The following LIPK variants were observed in gnomAD, a reference collection of about 807,000 sequenced individuals.
LIPK encodes lipase family member K.
LIPK carries 32 observed loss-of-function variants against 48.6 expected under a neutral mutation model. The observed-to-expected ratio is 0.66, with a 90% confidence interval of 0.50 to 0.88. The LOEUF is 0.88. Ranked by LOEUF, LIPK falls within the 40% of genes least tolerant of loss-of-function variation. The pLI, the probability that LIPK is intolerant of heterozygous loss-of-function variation, is 0.00. For synonymous variants in LIPK, 164 were observed against 157.4 expected (o/e 1.04, Z -0.32); for missense variants, 507 against 478.5 (o/e 1.06, Z -0.56).
intron 1 of LIPK, among the ~76,000 whole-genome samples, chr10:88,707,817 C>T (rs939170117): frequency 6.6e-6 from 1 of 152,042 alleles, no homozygotes; most frequent in African/African-American, 2.4e-5. Context: ...TGTCTTTCAC[C>T]CTGTGGGTGG....
chr10:88,732,679 A>T, intron 6 of LIPK, 128 bp downstream of exon 6: 4 of 949,094 alleles, frequency 4.2e-6, no homozygotes, highest in Non-Finnish European at 6.3e-6. Context: ...TATCCATGTA[A>T]GTTCACTGAT....
At chr10:88,737,919 C>T in intron 7 of LIPK, 138 bp downstream of exon 7, 1 of 879,358 alleles carries the variant, frequency 1.1e-6, no homozygotes, top group Non-Finnish European at 1.8e-6. Flanking sequence ...TTTATGGCTT[C>T]CAATGAGGGT....
intron 8 of LIPK, among the ~76,000 whole-genome samples, chr10:88,740,473 A>G (rs1842658806): frequency 6.6e-6 from 1 of 152,252 alleles, no homozygotes; most frequent in African/African-American, 2.4e-5. Context: ...TATTCAGAGA[A>G]GATTGAATGC....
At chr10:88,728,494 G>T (rs767540143) in intron 3 of LIPK, 45 of 240,810 alleles carry the variant, frequency 1.9e-4, no homozygotes, top group Non-Finnish European at 2.8e-4. Context: ...GCAGCGTGGG[G>T]AGTCCGCCAT....
rs996886037 is a variant in LIPK at position 88,732,282 on chromosome 10, C to T, written c.527C>T (p.Thr176Ile). 1 of 1,612,938 alleles carries T rather than the reference C, an allele frequency of 6.2e-7. No homozygotes were observed. Among genetic ancestry groups the T allele is most frequent in the Non-Finnish European group, 8.5e-7 (1 of 1,179,336 alleles). ...LYYVGHSQGTTIAFIAFSTNP... is the reference protein window; with the variant it reads ...LYYVGHSQGTIIAFIAFSTNP... ...TACGTGGGCCACTCACAAGGCACCA[C>T]CATAGGTGTGTTTGGGGCAGATGTG... Residue 176 changes from threonine (T) to isoleucine (I), a missense_variant, in exon 5 of 10, where the codon ACC becomes ATC. Physicochemically the swap from Thr to Ile is moderately conservative, Grantham distance 89 (BLOSUM62 -1). Transcript: ENST00000404190.
At chr10:88,749,103 C>G (rs144035144) in intron 9 of LIPK, among the ~76,000 whole-genome samples, 4 of 152,264 alleles carry the variant, frequency 2.6e-5, no homozygotes, top group Non-Finnish European at 4.4e-5. Context: ...CTTTAAAACA[C>G]TGCTCAAAGA....
In LIPK at chr10:88,729,257, G is replaced by GGGGC. The variant is rs1554955642; in HGVS notation, c.224-1723_224-1722insCGGG. 1.6e-3 allele frequency among the ~76,000 whole-genome samples: 47 copies of GGGGC among 28,762 alleles called. 2 individuals carry two copies. The highest frequency in any genetic ancestry group is 1.0e-3 in the Non-Finnish European group (19 of 18,728). The allele number at this position is 28,762 out of a possible 152,430, so 18.9% of individuals were successfully genotyped here. A position where few individuals can be genotyped will look rare whatever the true frequency, so the allele number is the denominator to read the frequency against. ...CAATGCAGGTGGCTATCTGTTGGGG[G>GGGGC]GGGGGGGCGGGGGAAGAGCAATTCA... On this transcript the variant is annotated intron_variant, in intron 3 of 9. Transcript: ENST00000404190.
At chr10:88,727,202 G>A (rs1320259088) in intron 3 of LIPK, among the ~76,000 whole-genome samples, 1 of 152,130 alleles carries the variant, frequency 6.6e-6, no homozygotes, top group African/African-American at 2.4e-5. Flanking sequence ...GTCCCGTTTT[G>A]AAAATCAGAA....
intron 9 of LIPK, among the ~76,000 whole-genome samples, chr10:88,747,664 C>T (rs971112302): frequency 7.2e-5 from 11 of 152,070 alleles, no homozygotes; most frequent in Non-Finnish European, 1.5e-5. Context: ...AAAAGCTCAA[C>T]ATCACTGATC....
intron 8 of LIPK, among the ~76,000 whole-genome samples, chr10:88,741,392 C>T (rs1054983411): frequency 5.9e-5 from 9 of 151,980 alleles, no homozygotes; most frequent in Non-Finnish European, 2.9e-5. Context: ...GCCCAGATAA[C>T]GTTTGTTTCT....
At chr10:88,731,433 T>C (rs1229215373) in intron 4 of LIPK, among the ~76,000 whole-genome samples, 1 of 152,214 alleles carries the variant, frequency 6.6e-6, no homozygotes, top group African/African-American at 2.4e-5. Flanking sequence ...GTGTATGTTC[T>C]GGGGGAAGTA....
chr10:88,746,946 C>T (rs1303508552), intron 9 of LIPK, among the ~76,000 whole-genome samples: 1 of 152,062 alleles, frequency 6.6e-6, no homozygotes, highest in African/African-American at 2.4e-5. Context: ...TACCACCACC[C>T]CACAGATACA....
chr10:88,748,674 C>T (rs1842812863), intron 9 of LIPK, among the ~76,000 whole-genome samples: 1 of 151,386 alleles, frequency 6.6e-6, no homozygotes, highest in African/African-American at 2.4e-5. Context: ...GACAAACCCA[C>T]AGCCAACATA....
At chr10:88,746,098 C>G (rs536725651) in intron 9 of LIPK, among the ~76,000 whole-genome samples, 2 of 152,182 alleles carry the variant, frequency 1.3e-5, no homozygotes, top group Non-Finnish European at 2.9e-5. Context: ...TATATATGCA[C>G]CCAACACAGG....
chr10:88,729,254 G>GC (rs1554955622), intron 3 of LIPK, among the ~76,000 whole-genome samples: 5 of 80,830 alleles, frequency 6.2e-5, no homozygotes, highest in Non-Finnish European at 7.1e-5. Flanking sequence ...CTATCTGTTG[G>GC]GGGGGGGGGG....
At chr10:88,720,258 C>T (rs557145218) in intron 1 of LIPK, among the ~76,000 whole-genome samples, 158 of 152,128 alleles carry the variant, frequency 1.0e-3, no homozygotes, top group African/African-American at 3.6e-3. Context: ...TTTAGCCTTT[C>T]CTTCATTATA....
chr10:88,747,706 G>A (rs977827227), intron 9 of LIPK, among the ~76,000 whole-genome samples: 2 of 152,092 alleles, frequency 1.3e-5, no homozygotes, highest in Admixed American at 1.3e-4. Flanking sequence ...ACCACAATGA[G>A]ATACCATCTC....
At chr10:88,735,989 G>A (rs1451855774) in intron 6 of LIPK, among the ~76,000 whole-genome samples, 1 of 152,098 alleles carries the variant, frequency 6.6e-6, no homozygotes, top group Admixed American at 6.6e-5. Context: ...CTAACTCCAG[G>A]TTTCAGAACA....
chr10:88,713,788 A>C (rs1842066192), intron 1 of LIPK, among the ~76,000 whole-genome samples: 1 of 151,900 alleles, frequency 6.6e-6, no homozygotes, highest in Non-Finnish European at 1.5e-5. Flanking sequence ...TAAAAATACA[A>C]AAATTAGCCA....
Sources: gnomAD v4.1 joint callset for allele counts (sites outside exome capture counted in the v4.1 genomes callset) on GRCh38, gnomAD v4.1.1 for gene constraint, MANE v1.5 for transcripts, NCBI Gene and HGNC (gene_info 2026-07-23, HGNC 2026-07-21) for gene names.